Variants in TBL3 observed in about 807,000 individuals in gnomAD.
TBL3 encodes transducin beta-like protein 3.
In TBL3, 71 loss-of-function variants were observed where a neutral mutation model predicts 102.7. The ratio of observed to expected loss-of-function variants is 0.69; its 90% CI spans 0.57 to 0.84. The LOEUF (loss-of-function observed/expected upper bound fraction) is 0.84. Ranked by LOEUF, TBL3 falls within the 40% of genes least tolerant of loss-of-function variation. The pLI, the probability that TBL3 is intolerant of heterozygous loss-of-function variation, is 0.00. For synonymous variants in TBL3, 578 were observed against 477.7 expected (o/e 1.21, Z -2.74); for missense variants, 1,188 against 1,098.5 (o/e 1.08, Z -1.15).
chr16:1,980,128 C>T lies in TBL3; in HGVS notation c.*1443C>T. ...AGCCTCCAGACTGTGGATGGAGAGG[C>T]GGCCCGCAGCGCGAGAAAGAGGCTG... On this transcript the variant is annotated 3_prime_UTR_variant, in exon 22 of 22. Coordinates refer to ENST00000568546, the MANE Select transcript of TBL3 (RefSeq NM_006453.3). The T allele has an allele frequency of 6.2e-7, 1 of 1,606,260 alleles. No individual in the cohort carries two copies.
chr16:1,980,966 C>G lies in TBL3; in HGVS notation c.*2281C>G. The G allele has an allele frequency of 1.2e-6, 2 of 1,613,156 alleles. No homozygotes were observed. The highest frequency in any genetic ancestry group is 8.5e-7 in the Non-Finnish European group (1 of 1,180,024). On this transcript the variant is annotated 3_prime_UTR_variant, in exon 22 of 22. Transcript: ENST00000568546. ...TGAGCTGCCTGAATTCGTCCCAACT[C>G]CTGCGCACGAAGGTGTCGCTGCCGT... is the stretch of plus-strand genomic sequence containing the variant.
At position 1,978,384 on chromosome 16, in the gene TBL3, G is replaced by A. The variant is rs1457374675; in HGVS notation, c.2206G>A (p.Gly736Ser). ...CTGCCACGAGGCCCAGGCCGTGCTG[G>A]GTGTGCTCTTGAGGCGAGAGGCCCC... ...RHCHEAQAVL[G>S]VLLRREAPEE... Residue 736 changes from glycine to serine, a missense_variant, in exon 21 of 22, where the codon GGT becomes AGT. Transcript: ENST00000568546. The A allele has an allele frequency of 3.7e-6, 6 of 1,611,404 alleles. No homozygotes were observed. The highest frequency in any genetic ancestry group is 3.3e-5 in the South Asian group (3 of 90,986).
chr16:1,974,367 TTCTC>T lies in TBL3; in HGVS notation c.190-8_190-5del. ...CACACCGTGCTCGGCACACCACTCT[TTCTC>T]CTAGGAGGACCAGGAGGACATCACT... On this transcript the variant is annotated splice_region_variant and splice_polypyrimidine_tract_variant and intron_variant, in intron 3 of 21. Coordinates refer to ENST00000568546, the MANE Select transcript of TBL3 (RefSeq NM_006453.3). 6.2e-7 allele frequency: 1 copy of T among 1,607,476 alleles called. No individual in the cohort carries two copies. The highest frequency in any genetic ancestry group is 8.5e-7 in the Non-Finnish European group (1 of 1,176,288).
chr16:1,972,274 G>T, intron 1 of TBL3, 69 bp downstream of exon 1: 2 of 1,289,024 alleles, frequency 1.6e-6, no homozygotes, highest in Non-Finnish European at 1.0e-6. Context: ...GGAGGCGCGC[G>T]TGGGGTGGGC....
At position 1,975,896 on chromosome 16, in the gene TBL3, T is replaced by A; in HGVS notation, c.1076T>A (p.Leu359Gln). ...HVVVASNSPCLKVFELQTSAC... is the reference protein window; with the variant it reads ...HVVVASNSPCQKVFELQTSAC... ...GTCGTGGCCTCCAATAGCCCCTGCC[T>A]AAAAGTGTTTGAGCTGCAGACGTCA... The change falls in exon 11 of 22, where the codon CTA becomes CAA. Residue 359 changes from leucine (L) to glutamine (Q), a missense_variant. Transcript: ENST00000568546. 6.2e-7 allele frequency: 1 copy of A among 1,614,122 alleles called. No homozygotes were observed. Among genetic ancestry groups the A allele is most frequent in the Non-Finnish European group, 8.5e-7 (1 of 1,180,032 alleles).
At chr16:1,978,249 G>T in intron 20 of TBL3, 29 bp downstream of exon 20, 1 of 1,612,550 alleles carries the variant, frequency 6.2e-7, no homozygotes, top group Non-Finnish European at 8.5e-7. Flanking sequence ...TGGGTGGCCC[G>T]GTGGGCAAGG....
chr16:1,979,205 G>A lies in TBL3; in HGVS notation c.*520G>A, dbSNP rs565488305. 2.0e-4 allele frequency: 300 copies of A among 1,466,442 alleles called. 4 individuals carry two copies. The South Asian group carries it at 3.5e-3, about 17-fold the overall frequency. The allele number at this position is 1,466,442 out of a possible 1,614,324, so 90.8% of individuals were successfully genotyped here. A position where few individuals can be genotyped will look rare whatever the true frequency, so the allele number is the denominator to read the frequency against. On this transcript the variant is annotated 3_prime_UTR_variant, in exon 22 of 22. Transcript: ENST00000568546. ...GTCGGGTGGGCACGGTGGGGGGAGG[G>A]GCGGTGGCCTGGGAGGGTTCAGGGA...
rs371354474 is a variant in TBL3 at position 1,976,145 on chromosome 16, C to T, written c.1188+31C>T. On this transcript the variant is annotated intron_variant, in intron 12 of 21. Transcript: ENST00000568546. The stretch of plus-strand genomic sequence containing the variant: ...GCACCCTGAGAGGTAGGGGCAGGGG[C>T]ACCAGGCGGGGAGGCCACGCAGTAG... 4.7e-5 allele frequency: 76 copies of T among 1,613,996 alleles called. No homozygotes were observed. The African/African-American group carries it at 8.4e-4, about 18-fold the overall frequency.
chr16:1,976,021 T>A (rs2083398603), intron 11 of TBL3, 35 bp from the exon 12 acceptor site: 1 of 1,614,056 alleles, frequency 6.2e-7, no homozygotes, highest in African/African-American at 1.3e-5. Flanking sequence ...TCCCCCGTCT[T>A]GCTGTGTGAC....
Position 1,974,826 on chromosome 16 carries a change from G to T in TBL3, c.443G>T (p.Arg148Leu), listed in dbSNP as rs373997979. ...IVRHYGTHHF[R>L]GSPGVVHLVA... ...CGGCACTACGGGACACACCACTTCC[G>T]AGGCTCGCCCGGTGTCGTGCAGTGA... The change falls in exon 6 of 22, where the codon CGA becomes CTA. Residue 148 changes from arginine (R) to leucine (L), a missense_variant. Coordinates refer to ENST00000568546, the MANE Select transcript of TBL3 (RefSeq NM_006453.3). 1 of 1,613,310 alleles carries T rather than the reference G, an allele frequency of 6.2e-7. No individual in the cohort carries two copies. Among genetic ancestry groups the T allele is most frequent in the Non-Finnish European group, 8.5e-7 (1 of 1,179,980 alleles).
Position 1,974,797 on chromosome 16 carries a change from C to T in TBL3, c.414C>T (p.Ile138=), listed in dbSNP as rs778330440. 2.4e-5 allele frequency: 39 copies of T among 1,613,160 alleles called. No individual in the cohort carries two copies. The highest frequency in any genetic ancestry group is 5.0e-5 in the Admixed American group (3 of 60,006). The change falls in exon 6 of 22, where the codon ATC becomes ATT. Residue 138 remains isoleucine (I), a synonymous_variant. Coordinates refer to ENST00000568546, the MANE Select transcript of TBL3 (RefSeq NM_006453.3). ...ATGGGGCCGTGCGCGTCTGGGACAT[C>T]GTGCGGCACTACGGGACACACCACT... The part of the protein sequence containing the change: ...GCDGAVRVWD[I]VRHYGTHHFR...
In TBL3 at chr16:1,981,411, C is replaced by T; in HGVS notation, c.*2726C>T. 9.5e-7 allele frequency: 1 copy of T among 1,048,564 alleles called. No homozygotes were observed. Among genetic ancestry groups the T allele is most frequent in the Non-Finnish European group, 1.3e-6 (1 of 753,326 alleles). 65.0% of individuals were successfully genotyped at this position (1,048,564 alleles called of 1,614,324 possible). A position where few individuals can be genotyped will look rare whatever the true frequency, so the allele number is the denominator to read the frequency against. The stretch of plus-strand genomic sequence containing the variant: ...GCACAGGGATTGGGGGACTTCCAGG[C>T]AGAGCTGCTGGGAGGAAGAAGAAGA... On this transcript the variant is annotated 3_prime_UTR_variant, in exon 22 of 22. Transcript: ENST00000568546.
chr16:1,980,045 GA>G lies in TBL3; in HGVS notation c.*1364del. The G allele has an allele frequency of 1.2e-6, 2 of 1,607,106 alleles. No homozygotes were observed. The highest frequency in any genetic ancestry group is 1.1e-5 in the South Asian group (1 of 90,016). On this transcript the variant is annotated 3_prime_UTR_variant, in exon 22 of 22. Coordinates refer to ENST00000568546, the MANE Select transcript of TBL3 (RefSeq NM_006453.3). ...TCCAGGCTCTCCTGGGCCTGCGCCT[GA>G]AAAGGCCTATCCCGCGTGTCCTGGG... is the stretch of plus-strand genomic sequence containing the variant.
rs1366680217 is a variant in TBL3, at chr16:1,979,716, G to T, written c.*1031G>T. On this transcript the variant is annotated 3_prime_UTR_variant, in exon 22 of 22. Transcript: ENST00000568546. ...CACGGGCTCCTGGCCCGCCCTGCCC[G>T]CGGTGCTTCTGGCCCAGTCTTGCCA... The T allele has an allele frequency of 3.1e-6, 4 of 1,294,364 alleles. No individual in the cohort carries two copies. Among genetic ancestry groups the T allele is most frequent in the African/African-American group, 1.5e-5 (1 of 67,380 alleles). The allele number at this position is 1,294,364 out of a possible 1,614,324, so 80.2% of individuals were successfully genotyped here. A position where few individuals can be genotyped will look rare whatever the true frequency, so the allele number is the denominator to read the frequency against.
intron 13 of TBL3, 50 bp from the exon 14 acceptor site, chr16:1,976,764 A>G (rs1443054651): frequency 5.0e-6 from 8 of 1,602,890 alleles, no homozygotes; most frequent in Middle Eastern, 3.3e-4. Flanking sequence ...GCTGGCCATC[A>G]GGGCTGGCTG....
At position 1,979,008 on chromosome 16, in the gene TBL3, G is replaced by A. The variant is rs1325344561; in HGVS notation, c.*323G>A. 2 of 1,507,872 alleles carry A rather than the reference G, an allele frequency of 1.3e-6. No homozygotes were observed. The highest frequency in any genetic ancestry group is 8.8e-7 in the Non-Finnish European group (1 of 1,133,376). 93.4% of individuals were successfully genotyped at this position (1,507,872 alleles called of 1,614,324 possible). A position where few individuals can be genotyped will look rare whatever the true frequency, so the allele number is the denominator to read the frequency against. ...GATCCGCCCTCCCCGCTCCTCCCCA[G>A]CCCTGGGATGGCGCGGTCCATCCCC... On this transcript the variant is annotated 3_prime_UTR_variant, in exon 22 of 22. Coordinates refer to ENST00000568546, the MANE Select transcript of TBL3 (RefSeq NM_006453.3).
chr16:1,973,750 C>A (rs1232951603), intron 1 of TBL3, among the ~76,000 whole-genome samples: 2 of 152,158 alleles, frequency 1.3e-5, no homozygotes, highest in Non-Finnish European at 2.9e-5. Context: ...CCCAAGGAGC[C>A]CCCTGGCTCT....
chr16:1,980,375 T>G lies in TBL3; in HGVS notation c.*1690T>G, dbSNP rs779292394. On this transcript the variant is annotated 3_prime_UTR_variant, in exon 22 of 22. Coordinates refer to ENST00000568546, the MANE Select transcript of TBL3 (RefSeq NM_006453.3). The stretch of plus-strand genomic sequence containing the variant: ...TGGGGCGAGTCAGGCACCTGCCGGG[T>G]GGCAGCGCGGGCTCCAGGTCCAGGG... 1.9e-6 allele frequency: 3 copies of G among 1,600,532 alleles called. No individual in the cohort carries two copies. The highest frequency in any genetic ancestry group is 2.5e-6 in the Non-Finnish European group (3 of 1,178,902).
chr16:1,980,967 C>T lies in TBL3; in HGVS notation c.*2282C>T, dbSNP rs1196275176. 1 of 1,613,024 alleles carries T rather than the reference C, an allele frequency of 6.2e-7. No homozygotes were observed. The highest frequency in any genetic ancestry group is 1.3e-5 in the African/African-American group (1 of 74,936). Reference sequence around the variant, plus strand: ...GAGCTGCCTGAATTCGTCCCAACTCCTGCGCACGAAGGTGTCGCTGCCGTC... The same window carrying T: ...GAGCTGCCTGAATTCGTCCCAACTCTTGCGCACGAAGGTGTCGCTGCCGTC... On this transcript the variant is annotated 3_prime_UTR_variant, in exon 22 of 22. Transcript: ENST00000568546.
Sources: allele counts gnomAD v4.1 joint callset (sites outside exome capture counted in the v4.1 genomes callset), GRCh38; gene constraint gnomAD v4.1.1; transcripts MANE v1.5; gene names NCBI Gene and HGNC (gene_info 2026-07-23, HGNC 2026-07-21).